The following LARP1 variants were observed in gnomAD, a reference collection of about 807,000 sequenced individuals.
LARP1 encodes La ribonucleoprotein 1, translational regulator.
LARP1 carries 36 observed loss-of-function variants against 122.7 expected under a neutral mutation model. The observed-to-expected ratio is 0.29, with a 90% confidence interval of 0.22 to 0.39. LARP1 has a LOEUF of 0.39. Among genes scored for constraint, LARP1 ranks in the 10% least tolerant of loss-of-function variants. The pLI, the probability that LARP1 is intolerant of heterozygous loss-of-function variation, is 1.00. For synonymous variants in LARP1, 539 were observed against 528.7 expected, an observed-to-expected ratio of 1.02 and a Z score of -0.27; for missense variants, 1,040 against 1,403.6, an observed-to-expected ratio of 0.74 and a Z score of 4.14.
intron 1 of LARP1, among the ~76,000 whole-genome samples, chr5:154,692,375 A>T (rs766598508): frequency 9.2e-5 from 14 of 152,186 alleles, no homozygotes; most frequent in Non-Finnish European, 1.9e-4. Context: ...TCCGCAGGAC[A>T]GGCTGAGGAT....
At chr5:154,776,815 C>T (rs1755925129) in intron 1 of LARP1, among the ~76,000 whole-genome samples, 1 of 152,212 alleles carries the variant, frequency 6.6e-6, no homozygotes, top group East Asian at 1.9e-4. Flanking sequence ...GAGTGTTTTT[C>T]AAACTACCTT....
rs559758271 is a variant in LARP1 at position 154,695,611 on chromosome 5, C to T, written c.-180+12574C>T. The stretch of plus-strand genomic sequence containing the variant: ...GGCGGAGGTTGTAGCGAGCCAAGAT[C>T]GTGCCACTGCATTCCGGCCTGGAAG... On this transcript the variant is annotated intron_variant, in intron 1 of 18. Coordinates refer to the LARP1 transcript ENST00000687700. 3.3e-5 allele frequency among the ~76,000 whole-genome samples: 5 copies of T among 152,068 alleles called. No individual in the cohort carries two copies. The East Asian group carries it at 5.8e-4, about 18-fold the overall frequency.
upstream of LARP1, among the ~76,000 whole-genome samples, chr5:154,752,676 C>T (rs901591485): frequency 1.6e-4 from 25 of 151,994 alleles, no homozygotes; most frequent in African/African-American, 5.8e-4. Flanking sequence ...TGGTGGCTAA[C>T]ACTTGTAATC....
chr5:154,769,170 G>A (rs1397269681), intron 1 of LARP1, among the ~76,000 whole-genome samples: 1 of 152,178 alleles, frequency 6.6e-6, no homozygotes, highest in African/African-American at 2.4e-5. Context: ...TGGGTTGCAT[G>A]GTATGTAAAT....
intron 2 of LARP1, 51 bp from the exon 3 acceptor site, chr5:154,790,594 T>TA (rs1342372242): frequency 1.3e-6 from 2 of 1,595,544 alleles, no homozygotes; most frequent in East Asian, 4.5e-5. Context: ...GGGGGCTGAA[T>TA]AGCAAAGACA....
Position 154,793,982 on chromosome 5 carries a change from G to A in LARP1, c.1051G>A (p.Gly351Ser), listed in dbSNP as rs556196297. ...GRGRGRGRGR[G>S]RGGTRTHFDY... The stretch of plus-strand genomic sequence containing the variant: ...GGGGCGTGGTCGCGGCCGGGGACGC[G>A]GCCGGGGTGGCACTCGAAGTACGTG... Residue 351 changes from glycine (G) to serine (S), a missense_variant, in exon 6 of 19, where the codon GGC (glycine) becomes AGC (serine). By Grantham distance (56) the Gly-to-Ser change is moderately conservative (BLOSUM62 0). Around this residue, in one of 8 missense-constraint regions of LARP1, gnomAD observed 178 missense variants for 178.3 expected, o/e 1.00. Transcript: ENST00000518297. 40 of 1,610,528 alleles carry A rather than the reference G, an allele frequency of 2.5e-5. No individual in the cohort carries two copies. The highest frequency in any genetic ancestry group is 4.0e-5 in the African/African-American group (3 of 74,782).
chr5:154,781,308 A>G (rs374632034), intron 1 of LARP1, among the ~76,000 whole-genome samples: 4 of 151,976 alleles, frequency 2.6e-5, no homozygotes, highest in East Asian at 3.9e-4. Flanking sequence ...GGGAATCATC[A>G]TCATACCTAC....
Position 154,793,939 on chromosome 5 carries a change from C to A in LARP1, c.1008C>A (p.Ser336=), listed in dbSNP as rs375083450. The change falls in exon 6 of 19, where the codon TCC becomes TCA. Residue 336 remains serine, a synonymous_variant. Transcript: ENST00000518297. The stretch of plus-strand genomic sequence containing the variant: ...ATGGGGCTGGTGGGGCGCGGGCTTC[C>A]TTCCGTGGCCGTGGACGGGGGCGTG... ...KSDGAGGARA[S]FRGRGRGRGR... The A allele has an allele frequency of 2.5e-6, 4 of 1,613,676 alleles. No individual in the cohort carries two copies. Among genetic ancestry groups the A allele is most frequent in the Non-Finnish European group, 3.4e-6 (4 of 1,179,748 alleles).
chr5:154,733,828 G>A lies in LARP1; in HGVS notation c.205+20698G>A, dbSNP rs566044654. On this transcript the variant is annotated intron_variant, in intron 1 of 18. Transcript: ENST00000336314. Reference sequence around the variant, plus strand: ...TTCGCCCACCTCGGCCTCTTAAAGTGGTGGGATTACAGATGTGAGCCACCG... The same window carrying A: ...TTCGCCCACCTCGGCCTCTTAAAGTAGTGGGATTACAGATGTGAGCCACCG... Among the ~76,000 whole-genome samples, 192 of 152,208 alleles carry A rather than the reference G, an allele frequency of 1.3e-3. 2 individuals carry two copies. The highest frequency in any genetic ancestry group is 6.4e-3 in the East Asian group (33 of 5,182).
At chr5:154,795,154 C>T in intron 7 of LARP1, 21 bp from the exon 8 acceptor site, 1 of 1,612,076 alleles carries the variant, frequency 6.2e-7, no homozygotes, top group South Asian at 1.1e-5. Context: ...TCGGTGATAA[C>T]TACTTCTTCC....
intron 1 of LARP1, among the ~76,000 whole-genome samples, chr5:154,685,576 G>A (rs113960136): frequency 0.017 from 2,580 of 152,262 alleles, 80 homozygotes; most frequent in African/African-American, 0.059. Flanking sequence ...TGTACATAGG[G>A]AAGTCACCGT....
intron 1 of LARP1, among the ~76,000 whole-genome samples, chr5:154,736,315 C>T (rs528328075): frequency 3.3e-5 from 5 of 151,706 alleles, no homozygotes; most frequent in South Asian, 2.1e-4. Context: ...AGGCTGGTCT[C>T]GAGTGCCTGA....
chr5:154,781,183 G>A (rs918052148), intron 1 of LARP1, among the ~76,000 whole-genome samples: 6 of 152,218 alleles, frequency 3.9e-5, no homozygotes, highest in Admixed American at 1.3e-4. Flanking sequence ...TCAGGTGTGC[G>A]TGTAGTTGTG....
Position 154,694,597 on chromosome 5 carries a change from C to CT in LARP1, c.-180+11562dup, listed in dbSNP as rs553442364. Among the ~76,000 whole-genome samples the CT allele has an allele frequency of 2.7e-3, 411 of 152,194 alleles. 1 individual carries two copies. Among genetic ancestry groups the CT allele is most frequent in the Non-Finnish European group, 4.2e-3 (287 of 68,016 alleles). ...GACAATGGGGAAATTTCACTATGAACTTGGTATTAGATGATATAAGAAAAT... is the reference window on the plus strand; with the variant it reads ...GACAATGGGGAAATTTCACTATGAACTTTGGTATTAGATGATATAAGAAAAT... On this transcript the variant is annotated intron_variant, in intron 1 of 18. Coordinates refer to the LARP1 transcript ENST00000687700.
chr5:154,787,213 C>T (rs1756963055), intron 1 of LARP1, among the ~76,000 whole-genome samples: 1 of 152,174 alleles, frequency 6.6e-6, no homozygotes, highest in African/African-American at 2.4e-5. Context: ...ATGGTGTTTC[C>T]TGACTGGGCG....
chr5:154,805,179 T>C, intron 14 of LARP1: 1 of 328,534 alleles, frequency 3.0e-6, no homozygotes, highest in Non-Finnish European at 5.9e-6. Context: ...AGGTACAGTT[T>C]ACCTACTTAA....
intron 1 of LARP1, among the ~76,000 whole-genome samples, chr5:154,721,723 C>T (rs1005911579): frequency 4.6e-5 from 7 of 152,282 alleles, no homozygotes; most frequent in East Asian, 1.9e-4. Context: ...ATTTGCAAGA[C>T]AGAGATGATA....
At chr5:154,754,553 C>T (rs1753679155), upstream of LARP1, among the ~76,000 whole-genome samples, 3 of 152,374 alleles carry the variant, frequency 2.0e-5, no homozygotes, top group South Asian at 6.2e-4. Flanking sequence ...AAAGAAAAGA[C>T]ATTTCCTGCC....
chr5:154,766,003 A>G (rs1754920545), intron 1 of LARP1, among the ~76,000 whole-genome samples: 1 of 151,988 alleles, frequency 6.6e-6, no homozygotes, highest in African/African-American at 2.4e-5. Context: ...GCAGTGTAGC[A>G]GGGGCACCCA....
Sources: allele counts gnomAD v4.1 joint callset (sites outside exome capture counted in the v4.1 genomes callset), GRCh38; gene constraint gnomAD v4.1.1; regional missense constraint gnomAD v4.1.1; transcripts MANE v1.5; gene names NCBI Gene and HGNC (gene_info 2026-07-23, HGNC 2026-07-21).